Variants in UNC13C observed in about 807,000 individuals in gnomAD.
UNC13C encodes the protein protein unc-13 homolog C.
UNC13C carries 174 observed loss-of-function variants against 245.4 expected under a neutral mutation model. The observed-to-expected ratio is 0.71, with a 90% CI of 0.63 to 0.80. UNC13C has a LOEUF of 0.80. Ranked by LOEUF, UNC13C falls within the 30% of genes least tolerant of loss-of-function variation. UNC13C has a pLI of 0.00. For missense variants in UNC13C, 2,829 were observed against 2,602.9 expected, an observed-to-expected ratio of 1.09 and a Z score of -1.89; for synonymous variants, 992 against 895.1, an observed-to-expected ratio of 1.11 and a Z score of -1.93.
At position 54,104,302 on chromosome 15, in the gene UNC13C, A is replaced by G. The variant is rs921724823; in HGVS notation, c.2984-38716A>G. On this transcript the variant is annotated intron_variant, in intron 2 of 32. Coordinates refer to ENST00000260323, the MANE Select transcript of UNC13C (RefSeq NM_001080534.3). Reference sequence around the variant, plus strand: ...TCAGTAACTTCCAGAGAAATAATCAATAAGAAAACCACTTTTTCATCCTTT... The same window carrying G: ...TCAGTAACTTCCAGAGAAATAATCAGTAAGAAAACCACTTTTTCATCCTTT... 5.3e-5 allele frequency among the ~76,000 whole-genome samples: 8 copies of G among 152,204 alleles called. No individual in the cohort carries two copies. The South Asian group carries it at 1.4e-3, about 28-fold the overall frequency.
At chr15:54,381,536 C>T (rs2039724966) in intron 17 of UNC13C, among the ~76,000 whole-genome samples, 1 of 152,086 alleles carries the variant, frequency 6.6e-6, no homozygotes, top group African/African-American at 2.4e-5. Flanking sequence ...CTGTAGATCA[C>T]TTTGGGTCAT....
intron 2 of UNC13C, among the ~76,000 whole-genome samples, chr15:54,091,318 C>T (rs1899560655): frequency 6.6e-6 from 1 of 152,212 alleles, no homozygotes; most frequent in East Asian, 1.9e-4. Context: ...TTTGTTCTCA[C>T]CTTGCAGAGC....
In UNC13C at chr15:54,608,660, T is replaced by C. The variant is rs141178217; in HGVS notation, c.6107-13667T>C. Among the ~76,000 whole-genome samples the C allele has an allele frequency of 4.8e-4, 73 of 152,338 alleles. 1 individual carries two copies. The East Asian group carries it at 0.013, about 27-fold the overall frequency. On this transcript the variant is annotated intron_variant, in intron 30 of 32. Coordinates refer to ENST00000260323, the MANE Select transcript of UNC13C (RefSeq NM_001080534.3). The stretch of plus-strand genomic sequence containing the variant: ...ATATATTTCAGATTCCAGATTCTTA[T>C]TCAGCACTGTGTCACGATAAAAAAC...
chr15:54,113,045 A>T (rs888710410), intron 2 of UNC13C, among the ~76,000 whole-genome samples: 1 of 152,156 alleles, frequency 6.6e-6, no homozygotes, highest in African/African-American at 2.4e-5. Flanking sequence ...ATGTATCTTG[A>T]TAAATTGTGT....
intron 4 of UNC13C, among the ~76,000 whole-genome samples, chr15:54,163,169 A>G (rs1453802455): frequency 1.3e-5 from 2 of 152,226 alleles, no homozygotes; most frequent in Non-Finnish European, 2.9e-5. Flanking sequence ...TGGACCCAAT[A>G]TAATTACAAA....
the UNC13C span, among the ~76,000 whole-genome samples, chr15:53,955,609 G>T: frequency 6.6e-6 from 1 of 152,292 alleles, no homozygotes; most frequent in South Asian, 2.1e-4. Flanking sequence ...ATTTTCTACA[G>T]AAATTTGAGG....
the UNC13C span, among the ~76,000 whole-genome samples, chr15:53,847,578 C>T: frequency 2.0e-5 from 3 of 150,254 alleles, no homozygotes; most frequent in African/African-American, 7.4e-5. Context: ...GTTGGCCAGG[C>T]TGGTCTCGAA....
chr15:54,422,590 T>A (rs1197491847), intron 19 of UNC13C, among the ~76,000 whole-genome samples: 1 of 151,968 alleles, frequency 6.6e-6, no homozygotes, highest in Non-Finnish European at 1.5e-5. Flanking sequence ...ACTGTCCTCA[T>A]GACTTCCTTA....
chr15:54,517,154 T>C (rs1432502573), intron 24 of UNC13C, among the ~76,000 whole-genome samples: 1 of 152,106 alleles, frequency 6.6e-6, no homozygotes, highest in Non-Finnish European at 1.5e-5. Context: ...TCTCACCTTT[T>C]CTTCTTAATA....
intron 2 of UNC13C, among the ~76,000 whole-genome samples, chr15:54,129,416 T>C (rs1307582677): frequency 2.0e-5 from 3 of 152,206 alleles, no homozygotes. Flanking sequence ...TATCTTTCTG[T>C]ATCCTACTTC....
chr15:54,040,183 C>A (rs1025736239), intron 2 of UNC13C, among the ~76,000 whole-genome samples: 1 of 152,096 alleles, frequency 6.6e-6, no homozygotes, highest in Non-Finnish European at 1.5e-5. Flanking sequence ...AGGTTTCTCC[C>A]AGAAGCAGAC....
intron 29 of UNC13C, among the ~76,000 whole-genome samples, chr15:54,559,570 A>G (rs941492470): frequency 6.6e-6 from 1 of 152,028 alleles, no homozygotes; most frequent in African/African-American, 2.4e-5. Flanking sequence ...TGGAGATGAG[A>G]GCACCTGCCT....
intron 19 of UNC13C, among the ~76,000 whole-genome samples, chr15:54,472,222 C>T (rs1324314252): frequency 6.6e-6 from 1 of 151,676 alleles, no homozygotes; most frequent in South Asian, 2.1e-4. Context: ...ACTTTGATAG[C>T]CAAGAAAAAC....
intron 2 of UNC13C, among the ~76,000 whole-genome samples, chr15:54,071,772 C>A (rs937958508): frequency 6.6e-6 from 1 of 152,120 alleles, no homozygotes; most frequent in Admixed American, 6.5e-5. Context: ...TTCACGTTGT[C>A]TCTGGTTGCT....
chr15:54,569,208 C>A (rs966115173), intron 30 of UNC13C, among the ~76,000 whole-genome samples: 1 of 152,048 alleles, frequency 6.6e-6, no homozygotes, highest in Non-Finnish European at 1.5e-5. Context: ...TACACCCCCC[C>A]CTCCAACACA....
chr15:54,230,292 G>T (rs749960168), intron 4 of UNC13C, among the ~76,000 whole-genome samples: 6 of 152,034 alleles, frequency 3.9e-5, no homozygotes, highest in Non-Finnish European at 5.9e-5. Flanking sequence ...TGTATCACTT[G>T]TGAGGTGATA....
intron 13 of UNC13C, chr15:54,320,691 C>G: frequency 2.8e-6 from 1 of 351,178 alleles, no homozygotes; most frequent in Non-Finnish European, 5.5e-6. Flanking sequence ...CTCTGGCTCT[C>G]TTCTCCTGCT....
intron 19 of UNC13C, among the ~76,000 whole-genome samples, chr15:54,435,157 T>C (rs536430681): frequency 2.0e-4 from 31 of 152,246 alleles, no homozygotes; most frequent in African/African-American, 7.5e-4. Flanking sequence ...TCAGCAATAG[T>C]GGAAGACAAT....
chr15:54,463,274 G>C lies in UNC13C; in HGVS notation c.4934-31334G>C, dbSNP rs1358410369. 3.2e-4 allele frequency among the ~76,000 whole-genome samples: 24 copies of C among 75,314 alleles called. 7 individuals carry two copies. In the South Asian group the frequency reaches 5.3e-3, roughly 17 times the overall value. 49.4% of individuals were successfully genotyped at this position (75,314 alleles called of 152,430 possible). A position where few individuals can be genotyped will look rare whatever the true frequency, so the allele number is the denominator to read the frequency against. On this transcript the variant is annotated intron_variant, in intron 19 of 32. Coordinates refer to ENST00000260323, the MANE Select transcript of UNC13C (RefSeq NM_001080534.3). Reference sequence around the variant, plus strand: ...ATCAGTAGAATGTGGGCGGGGGGGGGGGGGGGGGCCGGTCAGGTAAGGGAA... The same window carrying C: ...ATCAGTAGAATGTGGGCGGGGGGGGCGGGGGGGGCCGGTCAGGTAAGGGAA...
Sources: allele counts gnomAD v4.1 joint callset (sites outside exome capture counted in the v4.1 genomes callset), GRCh38; gene constraint gnomAD v4.1.1; transcripts MANE v1.5; gene names NCBI Gene and HGNC (gene_info 2026-07-23, HGNC 2026-07-21).